Variants in CGNL1 observed in about 807,000 individuals in gnomAD.
CGNL1 encodes the protein cingulin like 1, also known as cingulin-like protein 1.
CGNL1 carries 132 observed loss-of-function variants against 141.2 expected under a neutral mutation model. The ratio of observed to expected loss-of-function variants is 0.93; its 90% CI spans 0.81 to 1.08. CGNL1 has a LOEUF of 1.08. CGNL1 is among the 50% of genes least tolerant of loss of function. CGNL1 has a pLI of 0.00. For synonymous variants in CGNL1, 690 were observed against 622.1 expected, an observed-to-expected ratio of 1.11 and a Z score of -1.63; for missense variants, 1,870 against 1,588.6, an observed-to-expected ratio of 1.18 and a Z score of -3.01.
chr15:57,401,953 C>T (rs1169044789), intron 1 of CGNL1: 1 of 152,082 alleles, frequency 6.6e-6, no homozygotes, highest in Non-Finnish European at 1.5e-5. Context: ...GGACAATGTA[C>T]CCTTTTTCTT....
chr15:57,410,439 A>C (rs2062773555), intron 1 of CGNL1, among the ~76,000 whole-genome samples: 1 of 152,038 alleles, frequency 6.6e-6, no homozygotes, highest in African/African-American at 2.4e-5. Flanking sequence ...ATGAGGCTTG[A>C]TCCCTGGGGC....
intron 4 of CGNL1, among the ~76,000 whole-genome samples, chr15:57,451,133 T>A (rs2063317283): frequency 6.6e-6 from 1 of 152,242 alleles, no homozygotes; most frequent in Non-Finnish European, 1.5e-5. Flanking sequence ...TAAGTTTTAT[T>A]ATCCTAAATT....
At chr15:57,432,795 A>G (rs1442167624) in intron 1 of CGNL1, among the ~76,000 whole-genome samples, 7 of 152,238 alleles carry the variant, frequency 4.6e-5, no homozygotes. Flanking sequence ...GTTCCATGAA[A>G]TTATTGGATT....
chr15:57,502,648 A>T (rs1460464361), intron 8 of CGNL1, among the ~76,000 whole-genome samples: 1 of 152,178 alleles, frequency 6.6e-6, no homozygotes, highest in African/African-American at 2.4e-5. Context: ...GAGACCTCAG[A>T]CCAGTGTGCT....
intron 8 of CGNL1, among the ~76,000 whole-genome samples, chr15:57,465,146 A>G (rs1467713885): frequency 6.6e-6 from 1 of 152,096 alleles, no homozygotes; most frequent in African/African-American, 2.4e-5. Flanking sequence ...TGATAGAGTC[A>G]TATTTTATGG....
At position 57,501,123 on chromosome 15, in the gene CGNL1, G is replaced by C. The variant is rs553851300; in HGVS notation, c.2404-15657G>C. On this transcript the variant is annotated intron_variant, in intron 8 of 18. Coordinates refer to ENST00000281282, the MANE Select transcript of CGNL1 (RefSeq NM_032866.5). ...TAACCTTGGATCGTGATTGTGCTAT[G>C]TACCAGGTGCTGGGCTGGGCACAGA... Among the ~76,000 whole-genome samples the C allele has an allele frequency of 4.6e-5, 7 of 152,296 alleles. 1 individual carries two copies. The highest frequency in any genetic ancestry group is 1.3e-4 in the Admixed American group (2 of 15,304).
chr15:57,481,064 G>GTTTTTTTTTTT (rs11298152), intron 8 of CGNL1, among the ~76,000 whole-genome samples: 9 of 116,082 alleles, frequency 7.8e-5, no homozygotes, highest in Non-Finnish European at 1.2e-4. Context: ...AAGACCTGGG[G>GTTTTTTTTTTT]TTTTTTTTTT....
At chr15:57,445,593 A>G (rs2063240712) in intron 4 of CGNL1, among the ~76,000 whole-genome samples, 1 of 152,190 alleles carries the variant, frequency 6.6e-6, no homozygotes, top group Non-Finnish European at 1.5e-5. Flanking sequence ...TTCTGTTTCT[A>G]AAATGGATTG....
chr15:57,492,923 C>A (rs548344943), intron 8 of CGNL1, among the ~76,000 whole-genome samples: 1 of 152,236 alleles, frequency 6.6e-6, no homozygotes, highest in African/African-American at 2.4e-5. Context: ...GTCTTGAATA[C>A]GTCATCAGGT....
At chr15:57,539,401 C>G (rs1186831906) in intron 14 of CGNL1, among the ~76,000 whole-genome samples, 1 of 152,136 alleles carries the variant, frequency 6.6e-6, no homozygotes, top group Non-Finnish European at 1.5e-5. Context: ...TGGCTGCTCT[C>G]CTGTGACACT....
At chr15:57,482,476 G>A (rs1283430247) in intron 8 of CGNL1, among the ~76,000 whole-genome samples, 1 of 152,186 alleles carries the variant, frequency 6.6e-6, no homozygotes, top group African/African-American at 2.4e-5. Flanking sequence ...TAAGGTGGAA[G>A]TTTAGTTTGA....
chr15:57,393,428 T>C (rs1567090215), intron 1 of CGNL1, among the ~76,000 whole-genome samples: 2 of 152,222 alleles, frequency 1.3e-5, no homozygotes, highest in Non-Finnish European at 2.9e-5. Flanking sequence ...TTGAACACCA[T>C]CCACTTTGCT....
Position 57,543,730 on chromosome 15 carries a change from G to C in CGNL1, c.3326G>C (p.Arg1109Thr). The C allele has an allele frequency of 6.2e-7, 1 of 1,614,042 alleles. No individual in the cohort carries two copies. The highest frequency in any genetic ancestry group is 8.5e-7 in the Non-Finnish European group (1 of 1,179,986). Reference sequence around the variant, plus strand: ...TTGAGGAATGAGCTACTTCAGGAGAGAGCTGCGAGACAAGACTTGGAGTGC... The same window carrying C: ...TTGAGGAATGAGCTACTTCAGGAGACAGCTGCGAGACAAGACTTGGAGTGC... ...EQLRNELLQERAARQDLECDK... is the reference protein window; with the variant it reads ...EQLRNELLQETAARQDLECDK... Residue 1109 changes from arginine to threonine, a missense_variant, in exon 15 of 19, where the codon AGA becomes ACA. Coordinates refer to ENST00000281282, the MANE Select transcript of CGNL1 (RefSeq NM_032866.5).
Position 57,415,620 on chromosome 15 carries a change from C to G in CGNL1, c.-15-22365C>G, listed in dbSNP as rs188893498. On this transcript the variant is annotated intron_variant, in intron 1 of 18. Coordinates refer to ENST00000281282, the MANE Select transcript of CGNL1 (RefSeq NM_032866.5). ...AAAAGTCTTCCAGATTCTACCCACC[C>G]TCTTGCAGTAATGAGCTCCCCACCT... is the stretch of plus-strand genomic sequence containing the variant. 4.6e-5 allele frequency among the ~76,000 whole-genome samples: 7 copies of G among 152,342 alleles called. No homozygotes were observed. In the East Asian group the frequency reaches 1.3e-3, roughly 29 times the overall value.
At chr15:57,510,488 G>T (rs1000289409) in intron 8 of CGNL1, among the ~76,000 whole-genome samples, 9 of 152,202 alleles carry the variant, frequency 5.9e-5, no homozygotes, top group African/African-American at 1.9e-4. Context: ...GTGTTAGGAT[G>T]GGACATGTGT....
chr15:57,521,931 A>G (rs2071), intron 10 of CGNL1, among the ~76,000 whole-genome samples: 98,868 of 151,952 alleles, frequency 0.65, 32,850 homozygotes, highest in Non-Finnish European at 0.7. Flanking sequence ...TTGTTTTCAC[A>G]GATTGACGTT....
intron 7 of CGNL1, among the ~76,000 whole-genome samples, chr15:57,459,712 C>G (rs2063422583): frequency 6.6e-6 from 1 of 152,174 alleles, no homozygotes; most frequent in Admixed American, 6.5e-5. Flanking sequence ...TGTTGCAGAA[C>G]TAACTTTTTG....
rs1175591754 is a variant in CGNL1, at chr15:57,438,973, A to G, written c.974A>G (p.Asn325Ser). ...CAGGAATGTGCCATCCATGCCGACA[A>G]CGTCAATCGTCATGAAAACAGAAGG... ...DDQECAIHAD[N>S]VNRHENRRYI... Residue 325 changes from asparagine (N) to serine (S), a missense_variant, in exon 2 of 19, where the codon AAC becomes AGC. By Grantham distance (46) the Asn-to-Ser change is conservative. Coordinates refer to ENST00000281282, the MANE Select transcript of CGNL1 (RefSeq NM_032866.5). 2 of 1,614,232 alleles carry G rather than the reference A, an allele frequency of 1.2e-6. No homozygotes were observed. Among genetic ancestry groups the G allele is most frequent in the Non-Finnish European group, 8.5e-7 (1 of 1,180,044 alleles).
intron 8 of CGNL1, among the ~76,000 whole-genome samples, chr15:57,469,824 C>T (rs192843264): frequency 8.4e-4 from 128 of 152,298 alleles, no homozygotes; most frequent in African/African-American, 2.9e-3. Flanking sequence ...CGTGTTCCCA[C>T]GTCATTTCTA....
Sources: gnomAD v4.1 joint callset for allele counts (sites outside exome capture counted in the v4.1 genomes callset) on GRCh38, gnomAD v4.1.1 for gene constraint, MANE v1.5 for transcripts, NCBI Gene and HGNC (gene_info 2026-07-23, HGNC 2026-07-21) for gene names.